ITGA11: variants seen among roughly 807,000 people sequenced by gnomAD.
The protein encoded by ITGA11 is integrin subunit alpha 11.
Under a neutral mutation model 141.9 loss-of-function variants are expected in ITGA11, and 97 were observed. The observed-to-expected ratio is 0.68, with a 90% CI of 0.58 to 0.81. ITGA11 has a LOEUF of 0.81. ITGA11 is among the 30% of genes least tolerant of loss of function. The pLI is 0.00. For missense variants in ITGA11, 1,387 were observed against 1,559.2 expected (o/e 0.89, Z 1.86); for synonymous variants, 658 against 624.6 (o/e 1.05, Z -0.80).
Position 68,313,856 on chromosome 15 carries a change from C to T in ITGA11, c.2805G>A (p.Glu935=), listed in dbSNP as rs572655465. 1.2e-6 allele frequency: 2 copies of T among 1,613,916 alleles called. No homozygotes were observed. The highest frequency in any genetic ancestry group is 2.7e-5 in the African/African-American group (2 of 75,068). The change falls in exon 23 of 30, where the codon GAG becomes GAA. Residue 935 remains glutamate, a synonymous_variant. Coordinates refer to ENST00000315757, the MANE Select transcript of ITGA11 (RefSeq NM_001004439.2). ...CGTTGTCTTCCTTGGTGCTGTCCCG[C>T]TCATTACTGTCACTGCAAGGAGAGC... ...IELAAGSDSN[E]RDSTKEDNVA...
chr15:68,411,348 C>T (rs1164806688), intron 1 of ITGA11, among the ~76,000 whole-genome samples: 1 of 152,204 alleles, frequency 6.6e-6, no homozygotes, highest in East Asian at 1.9e-4. Flanking sequence ...GCTTATCCCC[C>T]TCCCACACAC....
In ITGA11 at chr15:68,325,328, ACCT is replaced by A; in HGVS notation, c.2212-90_2212-88del. Reference sequence around the variant, plus strand: ...CCGTGGATGCTGAGATAGAACTTCCACCTTCCTTAGATGGCAGGGCAGCTGCCC... The same window carrying A: ...CCGTGGATGCTGAGATAGAACTTCCATCCTTAGATGGCAGGGCAGCTGCCC... On this transcript the variant is annotated intron_variant, in intron 17 of 29. Transcript: ENST00000315757. This position sits in a 1 kb window ranked among gnomAD's most constrained non-coding sequence, Gnocchi z 5.5. The A allele has an allele frequency of 1.1e-6, 1 of 908,488 alleles. No individual in the cohort carries two copies. The highest frequency in any genetic ancestry group is 1.8e-6 in the Non-Finnish European group (1 of 554,848). The allele number at this position is 908,488 out of a possible 1,614,324, so 56.3% of individuals were successfully genotyped here.
intron 26 of ITGA11, among the ~76,000 whole-genome samples, chr15:68,310,171 G>A (rs182828487): frequency 5.1e-4 from 78 of 152,278 alleles, no homozygotes; most frequent in Non-Finnish European, 6.8e-4. Flanking sequence ...TTGCCCTGGA[G>A]GTCTTAGTTA....
chr15:68,376,863 C>T (rs1895742304), intron 2 of ITGA11, among the ~76,000 whole-genome samples: 1 of 152,224 alleles, frequency 6.6e-6, no homozygotes, highest in Admixed American at 6.5e-5. Flanking sequence ...TTCCTGAACC[C>T]CACCTCCAGA....
rs1893283233 is a variant in ITGA11 at position 68,308,773 on chromosome 15, A to AAGAAG, written c.3175-1078_3175-1077insCTTCT. On this transcript the variant is annotated intron_variant, in intron 26 of 29. Transcript: ENST00000315757. The surrounding 1 kb of genome is among the most constrained non-coding windows in gnomAD (Gnocchi z 5.2). The stretch of plus-strand genomic sequence containing the variant: ...AAAGAAAAGAAAAGAAAGAAAAGAA[A>AAGAAG]AGAAAAGAAAAGGGATTAGAGGACA... 2.1e-5 allele frequency among the ~76,000 whole-genome samples: 3 copies of AAGAAG among 145,342 alleles called. No homozygotes were observed. Among genetic ancestry groups the AAGAAG allele is most frequent in the Non-Finnish European group, 4.6e-5 (3 of 65,182 alleles).
intron 11 of ITGA11, chr15:68,336,120 A>G (rs904568586): frequency 5.2e-5 from 27 of 515,998 alleles, no homozygotes; most frequent in Non-Finnish European, 8.0e-5. Context: ...TGGGACTGCT[A>G]AAAGACTAAC....
chr15:68,341,196 G>A (rs7169899), intron 10 of ITGA11, among the ~76,000 whole-genome samples: 96,206 of 152,128 alleles, frequency 0.63, 31,087 homozygotes, highest in Middle Eastern at 0.75. Context: ...TATGTTTCAC[G>A]TTGTACTTTC....
At chr15:68,352,624 C>G (rs1051583824) in intron 7 of ITGA11, among the ~76,000 whole-genome samples, 1 of 152,192 alleles carries the variant, frequency 6.6e-6, no homozygotes, top group Admixed American at 6.5e-5. Context: ...TGCGATGAGG[C>G]CTGACAGAGC....
In ITGA11 at chr15:68,328,217, T is replaced by C. The variant is rs1894044032; in HGVS notation, c.1947A>G (p.Pro649=). 1 of 1,613,846 alleles carries C rather than the reference T, an allele frequency of 6.2e-7. No individual in the cohort carries two copies. The highest frequency in any genetic ancestry group is 2.2e-5 in the East Asian group (1 of 44,868). ...VQINASLHFE[P]SKINIFHRDC... is the part of the protein sequence containing the mutation. ...CTCTGTGGAAGATGTTGATCTTGGA[T>C]GGCTCAAAGTGGAGGCTGGCATTGA... The change falls in exon 16 of 30, where the codon CCA becomes CCG. Residue 649 remains proline, a synonymous_variant. Coordinates refer to ENST00000315757, the MANE Select transcript of ITGA11 (RefSeq NM_001004439.2). The surrounding 1 kb of genome is among the most constrained non-coding windows in gnomAD (Gnocchi z 4.8).
chr15:68,428,207 G>A (rs377393221), intron 1 of ITGA11, among the ~76,000 whole-genome samples: 1 of 152,204 alleles, frequency 6.6e-6, no homozygotes. Flanking sequence ...CAAGAGCAAA[G>A]CCAGCTCAGC....
At position 68,321,814 on chromosome 15, in the gene ITGA11, G is replaced by T. The variant is rs546901109; in HGVS notation, c.2323-311C>A. Among the ~76,000 whole-genome samples the T allele has an allele frequency of 6.6e-6, 1 of 152,324 alleles. No homozygotes were observed. The highest frequency in any genetic ancestry group is 2.4e-5 in the African/African-American group (1 of 41,564). ...GATCATCTACTGTGTGTGGGCAAGG[G>T]CTTTGGTACTGGGGATACAAAACAA... On this transcript the variant is annotated intron_variant, in intron 18 of 29. Coordinates refer to ENST00000315757, the MANE Select transcript of ITGA11 (RefSeq NM_001004439.2). The surrounding 1 kb of genome is among the most constrained non-coding windows in gnomAD (Gnocchi z 4.9).
chr15:68,355,000 G>A (rs141618696), intron 7 of ITGA11, among the ~76,000 whole-genome samples: 88 of 152,320 alleles, frequency 5.8e-4, no homozygotes, highest in African/African-American at 1.8e-3. Context: ...CAACCTCAGC[G>A]GTGCTCATGA....
chr15:68,328,102 T>C lies in ITGA11; in HGVS notation c.2062A>G (p.Thr688Ala), dbSNP rs760455659. 9.3e-6 allele frequency: 15 copies of C among 1,612,396 alleles called. No homozygotes were observed. The East Asian group carries it at 3.1e-4, about 34-fold the overall frequency. The stretch of plus-strand genomic sequence containing the variant: ...AAGGAGGGGCCTGCTTTACCAACAG[T>C]TGTTGTTTGGAAATGGGGTGCCAGG... ...IFLAPHFQTT[T>A]VGIRYNATMD... Residue 688 changes from threonine to alanine, a missense_variant, in exon 16 of 30, where the codon ACT becomes GCT. Thr to Ala is a moderately conservative substitution (Grantham distance 58). Transcript: ENST00000315757. The surrounding 1 kb of genome is among the most constrained non-coding windows in gnomAD (Gnocchi z 4.8).
chr15:68,358,364 G>A lies in ITGA11; in HGVS notation c.600+94C>T, dbSNP rs141717250. 2.9e-5 allele frequency: 40 copies of A among 1,378,222 alleles called. No homozygotes were observed. In the Middle Eastern group the frequency reaches 1.1e-3, roughly 38 times the overall value. 85.4% of individuals were successfully genotyped at this position (1,378,222 alleles called of 1,614,324 possible). A position where few individuals can be genotyped will look rare whatever the true frequency, so the allele number is the denominator to read the frequency against. On this transcript the variant is annotated intron_variant, in intron 6 of 29. Coordinates refer to ENST00000315757, the MANE Select transcript of ITGA11 (RefSeq NM_001004439.2). ...CTGCCCTCTTACCTACACCTCCTTC[G>A]TGCATGCAAAGATCTCTCTTAGACC...
intron 1 of ITGA11, among the ~76,000 whole-genome samples, chr15:68,430,957 C>T (rs1273160845): frequency 6.6e-6 from 1 of 152,234 alleles, no homozygotes; most frequent in African/African-American, 2.4e-5. Context: ...CTCCCACTAC[C>T]ACCGCATCTG....
At position 68,335,799 on chromosome 15, in the gene ITGA11, G is replaced by A. The variant is rs143639518; in HGVS notation, c.1323C>T (p.Tyr441=). ...GGTTGAACCGGGGGGCTCCGGCCAC[G>A]TACACCCGCCCCTGCCTGGAGGACA... The part of the protein sequence containing the change: ...SVVSSRQGRV[Y]VAGAPRFNHT... The change falls in exon 12 of 30, where the codon TAC becomes TAT. Residue 441 remains tyrosine, a synonymous_variant. Coordinates refer to ENST00000315757, the MANE Select transcript of ITGA11 (RefSeq NM_001004439.2). This position sits in a 1 kb window ranked among gnomAD's most constrained non-coding sequence, Gnocchi z 4.9. 28 of 1,613,220 alleles carry A rather than the reference G, an allele frequency of 1.7e-5. No homozygotes were observed. In the Middle Eastern group the frequency reaches 6.6e-4, roughly 38 times the overall value.
At chr15:68,358,218 C>T (rs1313266808) in intron 6 of ITGA11, among the ~76,000 whole-genome samples, 2 of 152,196 alleles carry the variant, frequency 1.3e-5, no homozygotes, top group Non-Finnish European at 2.9e-5. Flanking sequence ...TAAGTCTTCA[C>T]AGGTGGTGTC....
Position 68,313,782 on chromosome 15 carries a change from G to A in ITGA11, c.2879C>T (p.Thr960Ile), listed in dbSNP as rs200995747. The A allele has an allele frequency of 3.9e-4, 634 of 1,613,506 alleles. No homozygotes were observed. The highest frequency in any genetic ancestry group is 5.1e-4 in the Non-Finnish European group (596 of 1,179,662). The change falls in exon 23 of 30, where the codon ACC becomes ATC. Residue 960 changes from threonine to isoleucine, a missense_variant. Physicochemically the swap from Thr to Ile is moderately conservative, Grantham distance 89. Transcript: ENST00000315757. ...GGGCCCCCGGAGCCCGGCCCACCTG[G>A]TGAAGAGGACGTCAGCCTCGTATTT... ...HLKYEADVLF[T>I]RSSSLSHYEV...
chr15:68,334,395 G>A (rs536842553), intron 12 of ITGA11, among the ~76,000 whole-genome samples: 2 of 152,158 alleles, frequency 1.3e-5, no homozygotes, highest in East Asian at 1.9e-4. Flanking sequence ...TCAGAAGGCC[G>A]GTCACCTGGT....
Sources: gnomAD v4.1 joint callset for allele counts (sites outside exome capture counted in the v4.1 genomes callset) on GRCh38, gnomAD v4.1.1 for gene constraint, Gnocchi (gnomAD v3.1) non-coding constraint, MANE v1.5 for transcripts, NCBI Gene and HGNC (gene_info 2026-07-23, HGNC 2026-07-21) for gene names.